The following NRG3 variants were observed in gnomAD, a reference collection of about 807,000 sequenced individuals.
The protein encoded by NRG3 is pro-neuregulin-3, membrane-bound isoform.
In NRG3, 31 loss-of-function variants were observed where a neutral mutation model predicts 66.9. That is an observed-to-expected ratio of 0.46 (90% confidence interval 0.35 to 0.63). The LOEUF (loss-of-function observed/expected upper bound fraction) is 0.63. Ranked by LOEUF, NRG3 falls within the 20% of genes least tolerant of loss-of-function variation. NRG3 has a pLI of 0.00. For synonymous variants in NRG3, 393 were observed against 359.4 expected, an observed-to-expected ratio of 1.09 and a Z score of -1.06; for missense variants, 910 against 878.9, an observed-to-expected ratio of 1.04 and a Z score of -0.45.
At chr10:82,392,450 G>T (rs1019369162) in intron 2 of NRG3, among the ~76,000 whole-genome samples, 1 of 152,094 alleles carries the variant, frequency 6.6e-6, no homozygotes, top group East Asian at 1.9e-4. Flanking sequence ...ATGCCAAAAG[G>T]TACATTAGGT....
intron 3 of NRG3, among the ~76,000 whole-genome samples, chr10:82,757,057 A>G (rs1049294893): frequency 2.0e-5 from 3 of 152,056 alleles, no homozygotes; most frequent in African/African-American, 7.2e-5. Context: ...AAACAGAAAC[A>G]ATGGCATCCG....
intron 1 of NRG3, among the ~76,000 whole-genome samples, chr10:82,176,048 A>G (rs891002198): frequency 2.0e-5 from 3 of 152,114 alleles, no homozygotes; most frequent in Non-Finnish European, 4.4e-5. Context: ...ATAAGACATT[A>G]CCCTTGCATC....
intron 1 of NRG3, among the ~76,000 whole-genome samples, chr10:82,200,327 A>G (rs545617581): frequency 2.6e-4 from 39 of 152,308 alleles, no homozygotes; most frequent in Non-Finnish European, 4.7e-4. Flanking sequence ...TGACACACTG[A>G]TATGAACTCC....
chr10:82,058,588 G>GA (rs1326751088), intron 1 of NRG3, among the ~76,000 whole-genome samples: 4 of 150,816 alleles, frequency 2.7e-5, no homozygotes, highest in South Asian at 4.2e-4. Context: ...ACTTTTTCTA[G>GA]AAAAAATTAG....
chr10:82,334,004 C>T (rs188379713), intron 1 of NRG3, among the ~76,000 whole-genome samples: 63 of 151,972 alleles, frequency 4.1e-4, no homozygotes, highest in Admixed American at 7.9e-4. Flanking sequence ...GGTGAAACCC[C>T]GTCTCTACTA....
At position 81,875,748 on chromosome 10, in the gene NRG3, C is replaced by G. The variant is rs1260441856; in HGVS notation, c.408C>G (p.Ser136=). 6.2e-7 allele frequency: 1 copy of G among 1,612,600 alleles called. No homozygotes were observed. Among genetic ancestry groups the G allele is most frequent in the South Asian group, 1.1e-5 (1 of 91,056 alleles). The change falls in exon 1 of 9, where the codon TCC becomes TCG. Residue 136 remains serine, a synonymous_variant. Coordinates refer to ENST00000372141, the MANE Select transcript of NRG3 (RefSeq NM_001010848.4). This position sits in a 1 kb window ranked among gnomAD's most constrained non-coding sequence, Gnocchi z 5.3. ...ETTTTTTSTT[S]PATPSAGGAA... Reference sequence around the variant, plus strand: ...CCACCACTACCACTTCCACCACGTCCCCCGCCACCCCCTCCGCCGGGGGTG... The same window carrying G: ...CCACCACTACCACTTCCACCACGTCGCCCGCCACCCCCTCCGCCGGGGGTG...
chr10:82,013,045 C>A (rs1011638663), intron 1 of NRG3, among the ~76,000 whole-genome samples: 3 of 152,138 alleles, frequency 2.0e-5, no homozygotes, highest in African/African-American at 7.2e-5. Context: ...CTACCAGTAC[C>A]AATTTAATGT....
At chr10:81,909,389 A>G (rs189446814) in intron 1 of NRG3, among the ~76,000 whole-genome samples, 1 of 152,200 alleles carries the variant, frequency 6.6e-6, no homozygotes, top group Admixed American at 6.6e-5. Flanking sequence ...ATGTTGTTCA[A>G]CCCAGAACAT....
At chr10:82,967,075 G>C (rs1851279289) in intron 6 of NRG3, among the ~76,000 whole-genome samples, 1 of 151,172 alleles carries the variant, frequency 6.6e-6, no homozygotes, top group Admixed American at 6.6e-5. Flanking sequence ...AGCTAGGTGT[G>C]TATGTTATTG....
intron 2 of NRG3, among the ~76,000 whole-genome samples, chr10:82,547,499 G>GTATA (rs57180546): frequency 4.7e-5 from 7 of 148,976 alleles, no homozygotes; most frequent in African/African-American, 9.9e-5. Context: ...ATACATATGT[G>GTATA]TATATATATA....
chr10:82,873,695 T>G (rs1841547093), intron 4 of NRG3, among the ~76,000 whole-genome samples: 1 of 152,204 alleles, frequency 6.6e-6, no homozygotes, highest in Non-Finnish European at 1.5e-5. Flanking sequence ...AAGATGTTTA[T>G]ATGAAAGCAG....
chr10:82,314,590 C>T (rs1428569160), intron 1 of NRG3, among the ~76,000 whole-genome samples: 2 of 152,168 alleles, frequency 1.3e-5, no homozygotes, highest in East Asian at 1.9e-4. Context: ...AGGTGGATCA[C>T]GAGGTCAGGA....
intron 1 of NRG3, among the ~76,000 whole-genome samples, chr10:82,003,876 G>T (rs1214011492): frequency 6.6e-6 from 1 of 151,794 alleles, no homozygotes; most frequent in African/African-American, 2.4e-5. Context: ...CTTAGAGCTG[G>T]GTGTGTTGGC....
chr10:81,941,508 T>C (rs1848402819), intron 1 of NRG3, among the ~76,000 whole-genome samples: 1 of 152,152 alleles, frequency 6.6e-6, no homozygotes, highest in African/African-American at 2.4e-5. Context: ...TATAAAGTGG[T>C]TCTGATCACA....
At chr10:81,979,807 C>G (rs939041231) in intron 1 of NRG3, among the ~76,000 whole-genome samples, 1 of 152,116 alleles carries the variant, frequency 6.6e-6, no homozygotes, top group African/African-American at 2.4e-5. Context: ...TTTACCAGAT[C>G]AGAAGTGAAA....
chr10:82,408,089 A>AGAGAG (rs1564888139), intron 2 of NRG3, among the ~76,000 whole-genome samples: 6 of 54,926 alleles, frequency 1.1e-4, no homozygotes, highest in Admixed American at 3.6e-4. Flanking sequence ...GAGAGACAGA[A>AGAGAG]AGAAAGAAAG....
Position 82,288,551 on chromosome 10 carries a change from A to G in NRG3, c.824-70188A>G, listed in dbSNP as rs549836734. Among the ~76,000 whole-genome samples the G allele has an allele frequency of 1.6e-4, 25 of 152,296 alleles. No homozygotes were observed. The South Asian group carries it at 3.9e-3, about 24-fold the overall frequency. Reference sequence around the variant, plus strand: ...CGTGTGGGATGTGTTCACTCAGTCAACAAACATTTATTGAGTGCCTACCAC... The same window carrying G: ...CGTGTGGGATGTGTTCACTCAGTCAGCAAACATTTATTGAGTGCCTACCAC... On this transcript the variant is annotated intron_variant, in intron 1 of 8. Coordinates refer to ENST00000372141, the MANE Select transcript of NRG3 (RefSeq NM_001010848.4).
intron 1 of NRG3, among the ~76,000 whole-genome samples, chr10:81,991,861 G>A (rs2060755034): frequency 6.6e-6 from 1 of 151,996 alleles, no homozygotes; most frequent in Non-Finnish European, 1.5e-5. Flanking sequence ...ATTCTCCAGA[G>A]TAAACTATGT....
At chr10:82,180,592 CACTTGGTAA>C (rs1265727137) in intron 1 of NRG3, among the ~76,000 whole-genome samples, 1 of 151,728 alleles carries the variant, frequency 6.6e-6, no homozygotes, top group East Asian at 1.9e-4. Flanking sequence ...GGATAAATTC[CACTTGGTAA>C]AAAAGTATAT....
Sources: allele counts gnomAD v4.1 joint callset (sites outside exome capture counted in the v4.1 genomes callset), GRCh38; gene constraint gnomAD v4.1.1; non-coding constraint Gnocchi (gnomAD v3.1); transcripts MANE v1.5; gene names NCBI Gene and HGNC (gene_info 2026-07-23, HGNC 2026-07-21).